HTR7: variants seen among roughly 807,000 people sequenced by gnomAD.
HTR7 encodes the protein 5-hydroxytryptamine receptor 7.
HTR7 carries 16 observed loss-of-function variants against 34.0 expected under a neutral mutation model. The observed-to-expected ratio is 0.47, with a 90% CI of 0.32 to 0.71. HTR7 has a LOEUF of 0.71. Ranked by LOEUF, HTR7 falls within the 30% of genes least tolerant of loss-of-function variation. The probability of loss-of-function intolerance (pLI) is 0.04; values close to 1 mark genes in which losing one functional copy is unlikely to be tolerated. For missense variants in HTR7, 504 were observed against 625.5 expected (o/e 0.81, Z 2.07); for synonymous variants, 265 against 260.2 (o/e 1.02, Z -0.18).
chr10:90,800,309 A>G (rs1845604507), intron 1 of HTR7, among the ~76,000 whole-genome samples: 1 of 152,168 alleles, frequency 6.6e-6, no homozygotes, highest in East Asian at 1.9e-4. Context: ...AAAATAAAAC[A>G]ATGTCCTAAG....
At chr10:90,836,383 C>T (rs1846252367) in intron 1 of HTR7, among the ~76,000 whole-genome samples, 1 of 152,112 alleles carries the variant, frequency 6.6e-6, no homozygotes, top group African/African-American at 2.4e-5. Context: ...GGTGGTATAA[C>T]CTAAGTCCCT....
intron 1 of HTR7, among the ~76,000 whole-genome samples, chr10:90,799,245 C>G (rs1307963329): frequency 6.6e-6 from 1 of 152,112 alleles, no homozygotes; most frequent in Non-Finnish European, 1.5e-5. Flanking sequence ...CACCCTGACA[C>G]CCACCAAATT....
intron 1 of HTR7, among the ~76,000 whole-genome samples, chr10:90,788,650 G>A (rs1845417900): frequency 6.6e-6 from 1 of 152,094 alleles, no homozygotes; most frequent in African/African-American, 2.4e-5. Flanking sequence ...ATTAAACAAT[G>A]GCTCTACCTA....
At chr10:90,849,103 T>A (rs557521762) in intron 1 of HTR7, among the ~76,000 whole-genome samples, 1 of 152,376 alleles carries the variant, frequency 6.6e-6, no homozygotes, top group Non-Finnish European at 1.5e-5. Context: ...TTTCAAGTTT[T>A]AAGGTTTCAA....
chr10:90,761,280 C>CA (rs1229326511), intron 1 of HTR7, among the ~76,000 whole-genome samples: 3 of 152,102 alleles, frequency 2.0e-5, no homozygotes, highest in Non-Finnish European at 2.9e-5. Flanking sequence ...TGAGCACAGA[C>CA]AGTTTTCAAA....
chr10:90,744,576 T>C (rs1048711060), intron 2 of HTR7, among the ~76,000 whole-genome samples: 3 of 77,348 alleles, frequency 3.9e-5, no homozygotes, highest in Admixed American at 1.6e-4. Flanking sequence ...TACTTCTTTG[T>C]TGGGGGGTGG....
chr10:90,857,907 C>A lies in HTR7; in HGVS notation c.-236G>T, dbSNP rs1846623463. 1.3e-5 allele frequency among the ~76,000 whole-genome samples: 2 copies of A among 151,290 alleles called. No homozygotes were observed. The highest frequency in any genetic ancestry group is 2.4e-5 in the African/African-American group (1 of 41,354). ...GGACTCCCTGCGGGAGGCGCTTCGG[C>A]CCCCGACGGACGCCTGGGACGCGCG... On this transcript the variant is annotated 5_prime_UTR_variant, in exon 1 of 4. Transcript: ENST00000336152. This position sits in a 1 kb window ranked among gnomAD's most constrained non-coding sequence, Gnocchi z 6.5.
chr10:90,846,148 G>A (rs1846410949), intron 1 of HTR7, among the ~76,000 whole-genome samples: 1 of 152,094 alleles, frequency 6.6e-6, no homozygotes, highest in Admixed American at 6.5e-5. Context: ...TCTTGAGGAT[G>A]GGACCTAAGT....
At chr10:90,815,271 T>C (rs1202882582) in intron 1 of HTR7, among the ~76,000 whole-genome samples, 1 of 152,044 alleles carries the variant, frequency 6.6e-6, no homozygotes, top group East Asian at 1.9e-4. Flanking sequence ...TTTGTATTTT[T>C]AGTAGAGACA....
chr10:90,755,718 T>C (rs1386322947), intron 1 of HTR7, among the ~76,000 whole-genome samples: 1 of 152,244 alleles, frequency 6.6e-6, no homozygotes, highest in Non-Finnish European at 1.5e-5. Flanking sequence ...ATAAAAACTA[T>C]AATGCCAAGT....
intron 1 of HTR7, among the ~76,000 whole-genome samples, chr10:90,834,076 A>G (rs1435048265): frequency 6.6e-6 from 1 of 152,202 alleles, no homozygotes; most frequent in Non-Finnish European, 1.5e-5. Flanking sequence ...AAAACAGAAA[A>G]TTTCAAGAAT....
intron 1 of HTR7, among the ~76,000 whole-genome samples, chr10:90,842,603 G>T (rs1846346402): frequency 6.6e-6 from 1 of 151,986 alleles, no homozygotes; most frequent in Non-Finnish European, 1.5e-5. Flanking sequence ...ACCCAACAAT[G>T]GGATTGCTAC....
At chr10:90,823,009 G>A (rs1408640126) in intron 1 of HTR7, among the ~76,000 whole-genome samples, 1 of 152,266 alleles carries the variant, frequency 6.6e-6, no homozygotes, top group Non-Finnish European at 1.5e-5. Context: ...GAAATGCCTG[G>A]ATGTGCAGGC....
chr10:90,820,804 A>T (rs1179686192), intron 1 of HTR7, among the ~76,000 whole-genome samples: 1 of 152,170 alleles, frequency 6.6e-6, no homozygotes, highest in Non-Finnish European at 1.5e-5. Flanking sequence ...TGAACCACTA[A>T]AAAGTTGAAA....
At chr10:90,816,223 A>G (rs1845897802) in intron 1 of HTR7, among the ~76,000 whole-genome samples, 1 of 152,202 alleles carries the variant, frequency 6.6e-6, no homozygotes. Flanking sequence ...TAGCTCCAAG[A>G]TGAAAGGACA....
intron 1 of HTR7, among the ~76,000 whole-genome samples, chr10:90,774,287 T>C (rs1437188631): frequency 1.3e-5 from 2 of 152,328 alleles, no homozygotes; most frequent in Non-Finnish European, 1.5e-5. Context: ...TTCTACTTTT[T>C]CCACTTTTCT....
intron 1 of HTR7, among the ~76,000 whole-genome samples, chr10:90,759,710 A>G (rs142948844): frequency 4.6e-4 from 70 of 152,034 alleles, no homozygotes; most frequent in African/African-American, 1.7e-3. Context: ...GCTATTACTG[A>G]ACTTGTTTAA....
intron 1 of HTR7, among the ~76,000 whole-genome samples, chr10:90,792,912 T>C (rs1845480844): frequency 6.6e-6 from 1 of 152,004 alleles, no homozygotes; most frequent in Admixed American, 6.6e-5. Context: ...AAAAATGAAC[T>C]GAAGACCTAA....
In HTR7 at chr10:90,777,254, G is replaced by A. The variant is rs10881831; in HGVS notation, c.540-27660C>T. On this transcript the variant is annotated intron_variant, in intron 1 of 3. Transcript: ENST00000336152. ...TCCCAGCACTTTGGGAGGCTGAGGC[G>A]GGTGGATCACGAGGTCAGGGGTTTG... 2.2e-3 allele frequency among the ~76,000 whole-genome samples: 331 copies of A among 152,034 alleles called. 1 individual carries two copies. Among genetic ancestry groups the A allele is most frequent in the Middle Eastern group, 0.014 (4 of 294 alleles).
Sources: allele counts gnomAD v4.1 joint callset (sites outside exome capture counted in the v4.1 genomes callset), GRCh38; gene constraint gnomAD v4.1.1; non-coding constraint Gnocchi (gnomAD v3.1); transcripts MANE v1.5; gene names NCBI Gene and HGNC (gene_info 2026-07-23, HGNC 2026-07-21).